COL4A1: variants seen among roughly 807,000 people sequenced by gnomAD.
COL4A1 encodes collagen alpha-1(IV) chain.
COL4A1 carries 40 observed loss-of-function variants against 216.6 expected under a neutral mutation model. That is an observed-to-expected ratio of 0.18 (90% CI 0.14 to 0.24). The LOEUF (loss-of-function observed/expected upper bound fraction) is 0.24, where lower values mean the gene tolerates loss of function less well. Ranked by LOEUF, COL4A1 falls within the 10% of genes least tolerant of loss-of-function variation. The pLI, the probability that COL4A1 is intolerant of heterozygous loss-of-function variation, is 1.00. For missense variants in COL4A1, 1,628 were observed against 2,196.8 expected, an observed-to-expected ratio of 0.74 and a Z score of 5.18; for synonymous variants, 839 against 810.7, an observed-to-expected ratio of 1.03 and a Z score of -0.59.
intron 23 of COL4A1, 116 bp downstream of exon 23, chr13:110,192,714 C>G: frequency 3.7e-6 from 3 of 808,878 alleles, no homozygotes; most frequent in Admixed American, 4.7e-5. Context: ...TCTGATTATG[C>G]TTTAGGATTG....
chr13:110,301,042 A>G (rs1441685949), intron 1 of COL4A1, among the ~76,000 whole-genome samples: 1 of 152,248 alleles, frequency 6.6e-6, no homozygotes, highest in Middle Eastern at 3.2e-3. Flanking sequence ...AAACCACGGA[A>G]TAAACTATTT....
intron 1 of COL4A1, among the ~76,000 whole-genome samples, chr13:110,281,345 T>C (rs564676610): frequency 6.6e-6 from 1 of 152,336 alleles, no homozygotes; most frequent in East Asian, 1.9e-4. Flanking sequence ...AAGTACTCTG[T>C]GCTCCTTGAA....
At chr13:110,261,316 C>G in intron 1 of COL4A1, among the ~76,000 whole-genome samples, 1 of 152,196 alleles carries the variant, frequency 6.6e-6, no homozygotes, top group Non-Finnish European at 1.5e-5. Flanking sequence ...CACAGCCAAG[C>G]TATTAGCTCT....
chr13:110,230,183 CGT>C (rs1880960782), intron 2 of COL4A1, among the ~76,000 whole-genome samples: 1 of 151,620 alleles, frequency 6.6e-6, no homozygotes. Flanking sequence ...AGTGTGTGCC[CGT>C]GGTGTGGGTG....
Position 110,207,258 on chromosome 13 carries a change from T to C in COL4A1, c.780+145A>G. 1 of 769,200 alleles carries C rather than the reference T, an allele frequency of 1.3e-6. No homozygotes were observed. The highest frequency in any genetic ancestry group is 1.5e-5 in the South Asian group (1 of 64,734). The allele number at this position is 769,200 out of a possible 1,614,324, so 47.6% of individuals were successfully genotyped here. ...TCTGCTCTCAAAGGGGCTCGTATTT[T>C]ATGGACTGAACAGTCTATAAATCTG... On this transcript the variant is annotated intron_variant, in intron 13 of 51. Coordinates refer to ENST00000375820, the MANE Select transcript of COL4A1 (RefSeq NM_001845.6). The surrounding 1 kb of genome is among the most constrained non-coding windows in gnomAD (Gnocchi z 4.4).
At chr13:110,286,469 G>A (rs751988571) in intron 1 of COL4A1, among the ~76,000 whole-genome samples, 1 of 152,202 alleles carries the variant, frequency 6.6e-6, no homozygotes, top group Admixed American at 6.5e-5. Context: ...CAGATTGTGT[G>A]GGGGAGAGAG....
intron 18 of COL4A1, among the ~76,000 whole-genome samples, chr13:110,202,445 T>C (rs1879293765): frequency 6.6e-6 from 1 of 152,198 alleles, no homozygotes; most frequent in South Asian, 2.1e-4. Flanking sequence ...TGTGCCAATG[T>C]TAAATAGCTT....
chr13:110,242,857 A>G (rs1221485780), intron 1 of COL4A1, 123 bp from the exon 2 acceptor site: 5 of 1,072,510 alleles, frequency 4.7e-6, no homozygotes, highest in Admixed American at 1.7e-5. Flanking sequence ...TCCTTCGGAC[A>G]CAATCTTATC....
At chr13:110,249,245 G>T (rs1402782251) in intron 1 of COL4A1, among the ~76,000 whole-genome samples, 1 of 152,122 alleles carries the variant, frequency 6.6e-6, no homozygotes, top group African/African-American at 2.4e-5. Context: ...TTCTTTGCTT[G>T]TTGCGGGCGG....
At chr13:110,257,431 C>G (rs1387789564) in intron 1 of COL4A1, among the ~76,000 whole-genome samples, 1 of 152,198 alleles carries the variant, frequency 6.6e-6, no homozygotes, top group African/African-American at 2.4e-5. Context: ...AAAAATGCTA[C>G]TCTGCAAACC....
intron 1 of COL4A1, among the ~76,000 whole-genome samples, chr13:110,294,591 C>G (rs1314247620): frequency 6.6e-6 from 1 of 152,216 alleles, no homozygotes; most frequent in Non-Finnish European, 1.5e-5. Flanking sequence ...ATTGGAACAA[C>G]TCAATGTCTG....
intron 28 of COL4A1, among the ~76,000 whole-genome samples, chr13:110,182,764 G>T (rs958414274): frequency 5.9e-5 from 9 of 152,250 alleles, no homozygotes; most frequent in African/African-American, 2.2e-4. Context: ...CAGTGCCCAT[G>T]CAGCTTGCAC....
In COL4A1 at chr13:110,253,457, T is replaced by C. The variant is rs12877981; in HGVS notation, c.85-10723A>G. Among the ~76,000 whole-genome samples, 234 of 33,368 alleles carry C rather than the reference T, an allele frequency of 7.0e-3. 24 individuals carry two copies. The highest frequency in any genetic ancestry group is 8.8e-3 in the Non-Finnish European group (120 of 13,700). 21.9% of individuals were successfully genotyped at this position (33,368 alleles called of 152,430 possible). ...TGTATTACATATACATATAATTATATGTATTACATATACATATAATTATAT... is the reference window on the plus strand; with the variant it reads ...TGTATTACATATACATATAATTATACGTATTACATATACATATAATTATAT... On this transcript the variant is annotated intron_variant, in intron 1 of 51. Transcript: ENST00000375820.
In COL4A1 at chr13:110,173,897, T is replaced by C; in HGVS notation, c.3505+3A>G. On this transcript the variant is annotated splice_donor_region_variant and intron_variant, in intron 40 of 51. Transcript: ENST00000375820. The stretch of plus-strand genomic sequence containing the variant: ...TGATAGGGAATGGGGCGTTGGGCCA[T>C]ACCTGGTTCACCCTTCTCTCCTGCT... 6.2e-7 allele frequency: 1 copy of C among 1,614,154 alleles called. No individual in the cohort carries two copies. Among genetic ancestry groups the C allele is most frequent in the Non-Finnish European group, 8.5e-7 (1 of 1,180,012 alleles).
At chr13:110,257,410 G>A (rs1882625677) in intron 1 of COL4A1, among the ~76,000 whole-genome samples, 1 of 152,194 alleles carries the variant, frequency 6.6e-6, no homozygotes. Context: ...GAAGATAACG[G>A]CTGGTAAACC....
chr13:110,210,195 T>C lies in COL4A1; in HGVS notation c.486A>G (p.Ile162Met). ...LPGMKGDPGE[I>M]LGHVPGMLLK... ...ACAGCATCCCGGGCACATGGCCAAG[T>C]ATCTCACCTGGATCACCCTAGAGGA... Residue 162 changes from isoleucine (I) to methionine (M), a missense_variant, in exon 9 of 52, where the codon ATA (isoleucine) becomes ATG (methionine). Transcript: ENST00000375820. The C allele has an allele frequency of 6.2e-7, 1 of 1,613,754 alleles. No individual in the cohort carries two copies. The highest frequency in any genetic ancestry group is 8.5e-7 in the Non-Finnish European group (1 of 1,180,034).
intron 2 of COL4A1, among the ~76,000 whole-genome samples, chr13:110,216,351 G>T (rs1880086768): frequency 6.6e-6 from 1 of 152,156 alleles, no homozygotes; most frequent in African/African-American, 2.4e-5. Context: ...CCAATCTGGG[G>T]CACCCAGTTT....
intron 1 of COL4A1, among the ~76,000 whole-genome samples, chr13:110,272,482 G>C (rs368981405): frequency 9.9e-5 from 15 of 152,244 alleles, no homozygotes; most frequent in African/African-American, 3.4e-4. Context: ...GCACATGCAT[G>C]TAGCGCAGAT....
chr13:110,301,343 T>C (rs1458691932), intron 1 of COL4A1, among the ~76,000 whole-genome samples: 2 of 152,194 alleles, frequency 1.3e-5, no homozygotes, highest in African/African-American at 4.8e-5. Context: ...CCAAACATGG[T>C]GGGATGCTTT....
Sources: allele counts gnomAD v4.1 joint callset (sites outside exome capture counted in the v4.1 genomes callset), GRCh38; gene constraint gnomAD v4.1.1; non-coding constraint Gnocchi (gnomAD v3.1); transcripts MANE v1.5; gene names NCBI Gene and HGNC (gene_info 2026-07-23, HGNC 2026-07-21).